The following RAB10 variants were observed in gnomAD, a reference collection of about 807,000 sequenced individuals.
RAB10 encodes RAB10, member RAS oncogene family.
RAB10 carries 5 observed loss-of-function variants against 25.7 expected under a neutral mutation model. The observed-to-expected ratio is 0.19, with a 90% CI of 0.10 to 0.41. RAB10 has a LOEUF of 0.41. Among genes scored for constraint, RAB10 ranks in the 10% least tolerant of loss-of-function variants. The probability of loss-of-function intolerance (pLI) is 1.00; values close to 1 mark genes in which losing one functional copy is unlikely to be tolerated. For missense variants in RAB10, 103 were observed against 245.8 expected (o/e 0.42, Z 3.89); for synonymous variants, 89 against 86.4 (o/e 1.03, Z -0.16).
chr2:26,090,709 G>GGATCACA (rs1667087381), intron 1 of RAB10, among the ~76,000 whole-genome samples: 1 of 151,674 alleles, frequency 6.6e-6, no homozygotes, highest in Non-Finnish European at 1.5e-5. Context: ...CAAGGAGGGC[G>GGATCACA]GATCACATAA....
chr2:26,135,876 G>C lies in RAB10; in HGVS notation c.*855G>C, dbSNP rs1668101659. On this transcript the variant is annotated 3_prime_UTR_variant, in exon 6 of 6. Coordinates refer to ENST00000264710, the MANE Select transcript of RAB10 (RefSeq NM_016131.5). ...AGGGACAAACTAGTAGGTTTGTCAA[G>C]TTTAATATAAAGCACTGATGTAACT... The C allele has an allele frequency of 6.6e-6, 1 of 152,576 alleles. No individual in the cohort carries two copies. The highest frequency in any genetic ancestry group is 2.4e-5 in the African/African-American group (1 of 41,442). 9.5% of individuals were successfully genotyped at this position (152,576 alleles called of 1,614,324 possible).
At chr2:26,045,485 C>T (rs958063744) in intron 1 of RAB10, among the ~76,000 whole-genome samples, 54 of 152,072 alleles carry the variant, frequency 3.6e-4, no homozygotes, top group African/African-American at 1.1e-3. Context: ...ATGATCCGCC[C>T]GCCTCTGCCT....
intron 1 of RAB10, among the ~76,000 whole-genome samples, chr2:26,054,104 A>G (rs1464579460): frequency 7.1e-6 from 1 of 141,316 alleles, no homozygotes; most frequent in African/African-American, 2.7e-5. Context: ...GTGGAGTGCA[A>G]TGGCGTGATC....
rs1574556322 is a variant in RAB10, at chr2:26,109,774, A to C, written c.195A>C (p.Thr65=). 1.3e-6 allele frequency: 2 copies of C among 1,584,490 alleles called. No homozygotes were observed. The highest frequency in any genetic ancestry group is 2.7e-5 in the African/African-American group (2 of 73,222). The change falls in exon 3 of 6, where the codon ACA becomes ACC. Residue 65 remains threonine (T), a synonymous_variant. Coordinates refer to ENST00000264710, the MANE Select transcript of RAB10 (RefSeq NM_016131.5). Reference sequence around the variant, plus strand: ...TATTGGCTGTTTATTTCAGGGATACAGCAGGCCAGGAGCGATTTCACACCA... The same window carrying C: ...TATTGGCTGTTTATTTCAGGGATACCGCAGGCCAGGAGCGATTTCACACCA... ...GKKIKLQIWD[T]AGQERFHTIT...
intron 1 of RAB10, among the ~76,000 whole-genome samples, chr2:26,064,318 T>C (rs796270260): frequency 1.3e-5 from 2 of 152,002 alleles, no homozygotes; most frequent in South Asian, 4.1e-4. Context: ...TTTTTGAAAA[T>C]AGTTTTTGTA....
chr2:26,071,759 C>T (rs1343475277), intron 1 of RAB10, among the ~76,000 whole-genome samples: 2 of 151,540 alleles, frequency 1.3e-5, no homozygotes, highest in Non-Finnish European at 2.9e-5. Flanking sequence ...TCCAGCTACC[C>T]AAGAGGCTGA....
chr2:26,086,336 A>G (rs906262808), intron 1 of RAB10, among the ~76,000 whole-genome samples: 3 of 152,348 alleles, frequency 2.0e-5, no homozygotes, highest in African/African-American at 7.2e-5. Context: ...ACAAGTGATC[A>G]ACAAACACAT....
chr2:26,120,872 G>T (rs951504734), intron 3 of RAB10, among the ~76,000 whole-genome samples: 5 of 151,966 alleles, frequency 3.3e-5, no homozygotes, highest in Admixed American at 6.6e-5. Flanking sequence ...TTATAGGCAT[G>T]AGCCACCGCA....
chr2:26,062,801 T>G (rs923372610), intron 1 of RAB10, among the ~76,000 whole-genome samples: 2 of 152,112 alleles, frequency 1.3e-5, no homozygotes, highest in Non-Finnish European at 2.9e-5. Context: ...AGGGTTAGTT[T>G]GTTGAGCAAC....
intron 1 of RAB10, among the ~76,000 whole-genome samples, chr2:26,043,217 A>C (rs1287341719): frequency 6.6e-6 from 1 of 152,154 alleles, no homozygotes; most frequent in African/African-American, 2.4e-5. Flanking sequence ...TCAGGAGTTC[A>C]AGACCAGCCT....
At chr2:26,101,189 C>T (rs994768876) in intron 2 of RAB10, 1 of 152,192 alleles carries the variant, frequency 6.6e-6, no homozygotes, top group Non-Finnish European at 1.5e-5. Flanking sequence ...GGAGCCCTGC[C>T]TGCAAAAGCT....
At chr2:26,094,126 C>T (rs1450375357) in intron 1 of RAB10, among the ~76,000 whole-genome samples, 2 of 152,074 alleles carry the variant, frequency 1.3e-5, no homozygotes, top group African/African-American at 4.8e-5. Context: ...TGGACTCAAG[C>T]AGTCCTCTTA....
Position 26,112,588 on chromosome 2 carries a change from C to T in RAB10, c.327+2682C>T, listed in dbSNP as rs1419173257. 3.3e-5 allele frequency among the ~76,000 whole-genome samples: 5 copies of T among 152,112 alleles called. No individual in the cohort carries two copies. In the South Asian group the frequency reaches 6.2e-4, roughly 19 times the overall value. The stretch of plus-strand genomic sequence containing the variant: ...TTGTTTCCCAAGATAAACTGAGAAA[C>T]ATACAACCCAGGTATCAAAAAGGAA... On this transcript the variant is annotated intron_variant, in intron 3 of 5. Transcript: ENST00000264710.
chr2:26,076,684 C>T (rs1352151976), intron 1 of RAB10, among the ~76,000 whole-genome samples: 3 of 152,124 alleles, frequency 2.0e-5, no homozygotes, highest in Non-Finnish European at 2.9e-5. Context: ...TGGCTCACGC[C>T]TGTAATCCCA....
At chr2:26,090,228 C>T (rs1316792173) in intron 1 of RAB10, among the ~76,000 whole-genome samples, 3 of 152,102 alleles carry the variant, frequency 2.0e-5, no homozygotes, top group Non-Finnish European at 4.4e-5. Context: ...TCTGGGAATG[C>T]CTTTCATTTG....
chr2:26,080,109 G>A (rs560273391), intron 1 of RAB10, among the ~76,000 whole-genome samples: 8 of 152,210 alleles, frequency 5.3e-5, no homozygotes, highest in Admixed American at 2.0e-4. Flanking sequence ...CATGTTAGAA[G>A]TACACAGGAG....
chr2:26,133,371 T>C (rs184059348), intron 5 of RAB10, among the ~76,000 whole-genome samples: 2 of 152,200 alleles, frequency 1.3e-5, no homozygotes, highest in East Asian at 3.9e-4. Context: ...TATTCAACTA[T>C]GGTTCCATGT....
intron 3 of RAB10, among the ~76,000 whole-genome samples, chr2:26,117,185 G>A (rs1473610431): frequency 6.6e-6 from 1 of 152,054 alleles, no homozygotes; most frequent in Non-Finnish European, 1.5e-5. Context: ...TCCAAGAGGG[G>A]GAGTTATTAT....
At chr2:26,047,480 A>AT (rs904566248) in intron 1 of RAB10, among the ~76,000 whole-genome samples, 7 of 152,062 alleles carry the variant, frequency 4.6e-5, no homozygotes, top group African/African-American at 1.7e-4. Context: ...CAGTGGCACA[A>AT]TCTCGGCTCA....
Sources: allele counts gnomAD v4.1 joint callset (sites outside exome capture counted in the v4.1 genomes callset), GRCh38; gene constraint gnomAD v4.1.1; transcripts MANE v1.5; gene names NCBI Gene and HGNC (gene_info 2026-07-23, HGNC 2026-07-21).